Variants in CTNND2 observed in about 807,000 individuals in gnomAD.
The protein encoded by CTNND2 is catenin delta-2.
Under a neutral mutation model 144.4 loss-of-function variants are expected in CTNND2, and 22 were observed. The observed-to-expected ratio is 0.15, with a 90% CI of 0.11 to 0.22. The LOEUF (loss-of-function observed/expected upper bound fraction) is 0.22, where lower values mean the gene tolerates loss of function less well. Ranked by LOEUF, CTNND2 falls within the 10% of genes least tolerant of loss-of-function variation. The pLI is 1.00. For synonymous variants in CTNND2, 751 were observed against 695.6 expected (o/e 1.08, Z -1.25); for missense variants, 1,353 against 1,618.8 (o/e 0.84, Z 2.82).
At chr5:11,680,126 G>A (rs576958208) in intron 2 of CTNND2, among the ~76,000 whole-genome samples, 67 of 152,250 alleles carry the variant, frequency 4.4e-4, no homozygotes, top group African/African-American at 1.5e-3. Context: ...GCATTTTAAG[G>A]AAAAACTGTG....
At chr5:11,049,342 T>C (rs578182280) in intron 16 of CTNND2, among the ~76,000 whole-genome samples, 2 of 152,274 alleles carry the variant, frequency 1.3e-5, no homozygotes, top group African/African-American at 4.8e-5. Flanking sequence ...ATAATACAAA[T>C]TGCTTGTCAA....
At chr5:11,488,111 C>A (rs1160542825) in intron 3 of CTNND2, among the ~76,000 whole-genome samples, 2 of 152,198 alleles carry the variant, frequency 1.3e-5, no homozygotes, top group African/African-American at 4.8e-5. Flanking sequence ...TGCCTATGAT[C>A]TAAACATCTG....
chr5:11,044,319 C>A (rs1183155958), intron 16 of CTNND2, among the ~76,000 whole-genome samples: 1 of 152,146 alleles, frequency 6.6e-6, no homozygotes, highest in African/African-American at 2.4e-5. Context: ...CAGGAGCCTA[C>A]ACATTGGTAG....
At chr5:11,523,793 T>C (rs549236877) in intron 3 of CTNND2, among the ~76,000 whole-genome samples, 8 of 152,118 alleles carry the variant, frequency 5.3e-5, no homozygotes, top group African/African-American at 1.9e-4. Context: ...TCTCAGCCAG[T>C]CCTACTCACT....
chr5:11,086,606 A>T (rs1275033083), intron 15 of CTNND2, among the ~76,000 whole-genome samples: 2 of 152,224 alleles, frequency 1.3e-5, no homozygotes, highest in Non-Finnish European at 2.9e-5. Flanking sequence ...GTAAATTAAC[A>T]AAGATACTTG....
In CTNND2 at chr5:10,972,929, C is replaced by T. The variant is rs1290519972; in HGVS notation, c.*524G>A. 1.3e-5 allele frequency: 2 copies of T among 152,668 alleles called. No homozygotes were observed. The highest frequency in any genetic ancestry group is 6.5e-5 in the Admixed American group (1 of 15,288). 9.5% of individuals were successfully genotyped at this position (152,668 alleles called of 1,614,324 possible). A position where few individuals can be genotyped will look rare whatever the true frequency, so the allele number is the denominator to read the frequency against. ...GTAATATACACAACGCGCTTTTCTT[C>T]TTTAATCTGTAATGTACATCAAATA... On this transcript the variant is annotated 3_prime_UTR_variant, in exon 22 of 22. Transcript: ENST00000304623.
intron 9 of CTNND2, among the ~76,000 whole-genome samples, chr5:11,269,807 T>C (rs540157667): frequency 3.9e-4 from 60 of 152,290 alleles, no homozygotes; most frequent in Non-Finnish European, 7.5e-4. Context: ...ATGCAGGACA[T>C]CATCTGTATT....
chr5:11,102,830 G>A (rs538775110), intron 14 of CTNND2, among the ~76,000 whole-genome samples: 4 of 152,208 alleles, frequency 2.6e-5, no homozygotes, highest in Non-Finnish European at 5.9e-5. Context: ...GTAAAAAAAG[G>A]TCTGCTTAGG....
intron 1 of CTNND2, among the ~76,000 whole-genome samples, chr5:11,873,645 C>T (rs1402250575): frequency 6.6e-6 from 1 of 152,184 alleles, no homozygotes; most frequent in African/African-American, 2.4e-5. Flanking sequence ...AGATAGCATC[C>T]ACTTTACTGC....
chr5:11,127,246 C>T (rs896334231), intron 12 of CTNND2, among the ~76,000 whole-genome samples: 2 of 152,228 alleles, frequency 1.3e-5, no homozygotes, highest in Admixed American at 6.5e-5. Context: ...CAACCACATT[C>T]TCTGTGCTAA....
chr5:11,520,447 T>G (rs1488276549), intron 3 of CTNND2, among the ~76,000 whole-genome samples: 1 of 152,212 alleles, frequency 6.6e-6, no homozygotes, highest in African/African-American at 2.4e-5. Flanking sequence ...ACTCTCTCAA[T>G]GAGCAGGAAT....
intron 7 of CTNND2, among the ~76,000 whole-genome samples, chr5:11,371,757 G>T (rs1373537580): frequency 6.6e-6 from 1 of 152,094 alleles, no homozygotes; most frequent in African/African-American, 2.4e-5. Context: ...ATATCATGTT[G>T]TTATAAATGC....
intron 19 of CTNND2, among the ~76,000 whole-genome samples, chr5:10,991,381 A>C (rs1738660417): frequency 6.6e-6 from 1 of 152,222 alleles, no homozygotes; most frequent in Non-Finnish European, 1.5e-5. Flanking sequence ...GTAGGAAGAA[A>C]GCTTTCATAA....
intron 3 of CTNND2, among the ~76,000 whole-genome samples, chr5:11,480,087 C>T (rs935903836): frequency 8.5e-5 from 13 of 152,106 alleles, no homozygotes; most frequent in South Asian, 4.1e-4. Flanking sequence ...TTTGCCAGTT[C>T]CTATGTCCAG....
chr5:11,334,961 C>A (rs1489536911), intron 9 of CTNND2, among the ~76,000 whole-genome samples: 1 of 152,234 alleles, frequency 6.6e-6, no homozygotes, highest in Non-Finnish European at 1.5e-5. Flanking sequence ...CTTCAATGCA[C>A]TTTAGTACAT....
intron 9 of CTNND2, among the ~76,000 whole-genome samples, chr5:11,331,650 T>C (rs2149716508): frequency 6.6e-6 from 1 of 152,330 alleles, no homozygotes; most frequent in East Asian, 1.9e-4. Context: ...ACTTAGAACA[T>C]ATTTGTTGAG....
At chr5:11,492,985 T>C (rs1239625122) in intron 3 of CTNND2, among the ~76,000 whole-genome samples, 1 of 151,964 alleles carries the variant, frequency 6.6e-6, no homozygotes, top group African/African-American at 2.4e-5. Flanking sequence ...GGCAGGAGAA[T>C]TGCTTGAACC....
chr5:11,116,526 A>AT (rs1491429684), intron 13 of CTNND2, among the ~76,000 whole-genome samples: 1 of 152,274 alleles, frequency 6.6e-6, no homozygotes, highest in Non-Finnish European at 1.5e-5. Flanking sequence ...AATTACAAAC[A>AT]TATGAATGAA....
chr5:11,251,708 G>A (rs1743675550), intron 9 of CTNND2, among the ~76,000 whole-genome samples: 1 of 152,192 alleles, frequency 6.6e-6, no homozygotes, highest in Non-Finnish European at 1.5e-5. Context: ...CAATTATTGG[G>A]AGAAGGGCAA....
Sources: allele counts gnomAD v4.1 joint callset (sites outside exome capture counted in the v4.1 genomes callset), GRCh38; gene constraint gnomAD v4.1.1; transcripts MANE v1.5; gene names NCBI Gene and HGNC (gene_info 2026-07-23, HGNC 2026-07-21).